Variants in TNNI3K observed in about 807,000 individuals in gnomAD.
TNNI3K encodes the protein serine/threonine-protein kinase TNNI3K.
Under a neutral mutation model 114.5 loss-of-function variants are expected in TNNI3K, and 140 were observed. The observed-to-expected ratio is 1.22, with a 90% confidence interval of 1.07 to 1.41. TNNI3K has a LOEUF of 1.41. TNNI3K is among the 40% of genes most tolerant of loss of function. TNNI3K has a pLI of 0.00. For synonymous variants in TNNI3K, 347 were observed against 347.5 expected (o/e 1.00, Z 0.02); for missense variants, 1,125 against 1,007.6 (o/e 1.12, Z -1.58).
chr1:74,302,573 TAAG>T (rs1658391066), intron 5 of TNNI3K, among the ~76,000 whole-genome samples: 1 of 152,176 alleles, frequency 6.6e-6, no homozygotes, highest in Non-Finnish European at 1.5e-5. Flanking sequence ...ATATGAATGA[TAAG>T]AAAGCCAAAC....
At chr1:74,538,007 A>G (rs1026239124) in intron 23 of TNNI3K, among the ~76,000 whole-genome samples, 1 of 152,312 alleles carries the variant, frequency 6.6e-6, no homozygotes, top group Non-Finnish European at 1.5e-5. Flanking sequence ...ACTTGCCAAG[A>G]TAGTAAGTGA....
chr1:74,483,161 T>C, intron 21 of TNNI3K: 5 of 653,694 alleles, frequency 7.6e-6, no homozygotes, highest in Non-Finnish European at 1.4e-5. Context: ...AAGGGTTACC[T>C]CTTAAGCTGA....
chr1:74,351,922 T>C (rs190472320), intron 9 of TNNI3K, among the ~76,000 whole-genome samples: 1 of 152,318 alleles, frequency 6.6e-6, no homozygotes, highest in East Asian at 1.9e-4. Context: ...AACTTCCTCC[T>C]TTAGCTGGGA....
intron 21 of TNNI3K, among the ~76,000 whole-genome samples, chr1:74,466,488 A>G (rs1195550731): frequency 1.3e-5 from 2 of 152,172 alleles, no homozygotes; most frequent in Non-Finnish European, 2.9e-5. Flanking sequence ...GAAAGGATAA[A>G]AATCGATTGC....
chr1:74,459,439 A>G (rs1315672217), intron 20 of TNNI3K, among the ~76,000 whole-genome samples: 1 of 152,204 alleles, frequency 6.6e-6, no homozygotes, highest in East Asian at 1.9e-4. Context: ...AAGTCAATCA[A>G]AGATAAGAGC....
chr1:74,308,484 A>G (rs1658784089), intron 5 of TNNI3K, among the ~76,000 whole-genome samples: 1 of 152,144 alleles, frequency 6.6e-6, no homozygotes, highest in South Asian at 2.1e-4. Context: ...ACACCATATC[A>G]AAACCTCTGG....
At chr1:74,288,704 G>A (rs1657479285) in intron 5 of TNNI3K, among the ~76,000 whole-genome samples, 1 of 152,040 alleles carries the variant, frequency 6.6e-6, no homozygotes, top group Non-Finnish European at 1.5e-5. Flanking sequence ...GTACAATGTA[G>A]TGTTTATAAT....
rs1662442558 is a variant in TNNI3K at position 74,369,041 on chromosome 1, C to T, written c.1341C>T (p.Leu447=). 3 of 1,606,720 alleles carry T rather than the reference C, an allele frequency of 1.9e-6. No homozygotes were observed. The highest frequency in any genetic ancestry group is 1.1e-5 in the South Asian group (1 of 89,080). ...TTGCAGAGAAGGCAGATATTCTCCT[C>T]CTAAGAGCTGGATTGCCTTCACATT... ...SMTKEKADIL[L]LRAGLPSHFH... The change falls in exon 14 of 25, where the codon CTC becomes CTT. Residue 447 remains leucine (L), a synonymous_variant. Transcript: ENST00000326637.
intron 17 of TNNI3K, among the ~76,000 whole-genome samples, chr1:74,392,046 A>T (rs1282780140): frequency 6.8e-6 from 1 of 146,406 alleles, no homozygotes; most frequent in African/African-American, 2.6e-5. Flanking sequence ...GCTCACTGCA[A>T]GCTCCGCCTC....
intron 17 of TNNI3K, among the ~76,000 whole-genome samples, chr1:74,394,917 A>G (rs988568820): frequency 1.3e-5 from 2 of 151,778 alleles, no homozygotes; most frequent in Non-Finnish European, 2.9e-5. Context: ...GGTGGCGGGC[A>G]CCTGTAGTCC....
chr1:74,544,127 C>T lies in TNNI3K; in HGVS notation c.*145C>T, dbSNP rs988234916. The T allele has an allele frequency of 1.3e-6, 1 of 768,370 alleles. No homozygotes were observed. Among genetic ancestry groups the T allele is most frequent in the Non-Finnish European group, 2.0e-6 (1 of 504,030 alleles). The allele number at this position is 768,370 out of a possible 1,614,324, so 47.6% of individuals were successfully genotyped here. A position where few individuals can be genotyped will look rare whatever the true frequency, so the allele number is the denominator to read the frequency against. The stretch of plus-strand genomic sequence containing the variant: ...TTGTTTTTACTTGTCCTATTTAATT[C>T]CCCACTATTAGCAGGCTTTGGATTT... On this transcript the variant is annotated 3_prime_UTR_variant, in exon 25 of 25. Transcript: ENST00000326637.
At chr1:74,431,055 G>C (rs1217756450) in intron 17 of TNNI3K, among the ~76,000 whole-genome samples, 6 of 152,110 alleles carry the variant, frequency 3.9e-5, no homozygotes, top group Admixed American at 2.6e-4. Flanking sequence ...CAGACATGCT[G>C]TAAGCTAGGT....
chr1:74,474,729 A>G (rs935922378), intron 21 of TNNI3K, among the ~76,000 whole-genome samples: 2 of 152,108 alleles, frequency 1.3e-5, no homozygotes, highest in Non-Finnish European at 2.9e-5. Context: ...TCACGGCCAG[A>G]TTCACTTGGC....
At chr1:74,470,596 A>G (rs924623358) in intron 21 of TNNI3K, 2 of 400,588 alleles carry the variant, frequency 5.0e-6, no homozygotes, top group African/African-American at 4.1e-5. Context: ...TGTTTGGGGA[A>G]TGAGAGAGGA....
chr1:74,257,662 T>TA (rs1557455101), intron 4 of TNNI3K, among the ~76,000 whole-genome samples: 1 of 85,094 alleles, frequency 1.2e-5, no homozygotes, highest in Non-Finnish European at 2.7e-5. Context: ...TTGGCTTACC[T>TA]CTTTTTTTTT....
At chr1:74,437,489 T>A (rs1666189565) in intron 19 of TNNI3K, among the ~76,000 whole-genome samples, 1 of 151,664 alleles carries the variant, frequency 6.6e-6, no homozygotes, top group Non-Finnish European at 1.5e-5. Flanking sequence ...GACATTTAGA[T>A]AGGATGAAGG....
chr1:74,298,813 T>G (rs979874821), intron 5 of TNNI3K, among the ~76,000 whole-genome samples: 1 of 152,132 alleles, frequency 6.6e-6, no homozygotes, highest in Non-Finnish European at 1.5e-5. Flanking sequence ...ATTTTAGTTG[T>G]TTTAATTTTA....
chr1:74,254,609 C>T (rs1270718831), intron 4 of TNNI3K, among the ~76,000 whole-genome samples: 1 of 152,042 alleles, frequency 6.6e-6, no homozygotes, highest in Non-Finnish European at 1.5e-5. Context: ...TGTAACTCTC[C>T]CATCCTTTTG....
intron 23 of TNNI3K, among the ~76,000 whole-genome samples, chr1:74,502,988 G>T (rs1409132190): frequency 3.9e-5 from 6 of 152,206 alleles, no homozygotes; most frequent in Admixed American, 3.9e-4. Flanking sequence ...GACACTTGTG[G>T]ACTAGCTTTG....
Sources: allele counts gnomAD v4.1 joint callset (sites outside exome capture counted in the v4.1 genomes callset), GRCh38; gene constraint gnomAD v4.1.1; transcripts MANE v1.5; gene names NCBI Gene and HGNC (gene_info 2026-07-23, HGNC 2026-07-21).